Variants in KLF12 observed in about 807,000 individuals in gnomAD.
KLF12 encodes the protein KLF transcription factor 12.
A neutral mutation model predicts 37.8 loss-of-function variants in KLF12; 9 were observed. The ratio of observed to expected loss-of-function variants is 0.24; its 90% CI spans 0.14 to 0.42. The LOEUF (loss-of-function observed/expected upper bound fraction) is 0.42, where lower values mean the gene tolerates loss of function less well. Ranked by LOEUF, KLF12 falls within the 10% of genes least tolerant of loss-of-function variation. KLF12 has a pLI of 1.00. For synonymous variants in KLF12, 208 were observed against 202.1 expected (o/e 1.03, Z -0.25); for missense variants, 411 against 516.0 (o/e 0.80, Z 1.97).
chr13:74,260,872 C>A, the KLF12 span, among the ~76,000 whole-genome samples: 987 of 152,026 alleles, frequency 6.5e-3, 8 homozygotes, highest in Non-Finnish European at 0.011. Flanking sequence ...ACAAGATTTG[C>A]AGTCATTAAT....
At chr13:74,223,813 C>T in the KLF12 span, among the ~76,000 whole-genome samples, 1 of 152,160 alleles carries the variant, frequency 6.6e-6, no homozygotes, top group East Asian at 1.9e-4. Flanking sequence ...GTGTGACTAT[C>T]TGGGTGGCTT....
intron 5 of KLF12, among the ~76,000 whole-genome samples, chr13:73,787,338 G>A (rs1469898232): frequency 6.6e-6 from 1 of 152,140 alleles, no homozygotes; most frequent in Admixed American, 6.5e-5. Flanking sequence ...CTTGTCCCAG[G>A]TCATGTAGTT....
rs143223620 is a variant in KLF12, at chr13:73,812,977, C to T, written c.806+175G>A. On this transcript the variant is annotated intron_variant, in intron 5 of 7. Transcript: ENST00000377669. ...AGCATGAATTTCCAACTCATTAAAA[C>T]ACTCCATTCTCTGCCCTAATCTCCC... The T allele has an allele frequency of 3.7e-5, 23 of 614,552 alleles. No homozygotes were observed. In the African/African-American group the frequency reaches 4.2e-4, roughly 11 times the overall value. The allele number at this position is 614,552 out of a possible 1,614,324, so 38.1% of individuals were successfully genotyped here.
At chr13:74,098,694 C>T (rs191719399) in intron 1 of KLF12, among the ~76,000 whole-genome samples, 7 of 152,240 alleles carry the variant, frequency 4.6e-5, no homozygotes, top group East Asian at 1.9e-4. Context: ...TTAGCCAATA[C>T]GACAAGAAAG....
rs35471651 is a variant in KLF12 at position 73,852,871 on chromosome 13, GT to G, written c.124-6499del. Among the ~76,000 whole-genome samples the G allele has an allele frequency of 2.7e-3, 364 of 137,190 alleles. 1 individual carries two copies. The highest frequency in any genetic ancestry group is 6.9e-3 in the African/African-American group (256 of 36,934). 90.0% of individuals were successfully genotyped at this position (137,190 alleles called of 152,430 possible). A position where few individuals can be genotyped will look rare whatever the true frequency, so the allele number is the denominator to read the frequency against. On this transcript the variant is annotated intron_variant, in intron 3 of 7. Coordinates refer to ENST00000377669, the MANE Select transcript of KLF12 (RefSeq NM_007249.5). ...GTACTCTCTGTGCTTTTACATTTAT[GT>G]TTTTTTTTTTTTTTTGAGACGGAGT...
At chr13:74,116,462 T>C (rs1877309246) in intron 1 of KLF12, among the ~76,000 whole-genome samples, 1 of 152,252 alleles carries the variant, frequency 6.6e-6, no homozygotes, top group African/African-American at 2.4e-5. Flanking sequence ...GAATTTATCC[T>C]TACAGGAAAT....
intron 2 of KLF12, among the ~76,000 whole-genome samples, chr13:73,963,760 A>C (rs1485232981): frequency 6.6e-6 from 1 of 152,236 alleles, no homozygotes; most frequent in South Asian, 2.1e-4. Context: ...TAAGTTGTCA[A>C]GGAGAAGCAG....
chr13:74,003,704 A>T (rs1025012372), intron 1 of KLF12, among the ~76,000 whole-genome samples: 1 of 152,218 alleles, frequency 6.6e-6, no homozygotes, highest in African/African-American at 2.4e-5. Context: ...TATTATTCAA[A>T]TATGAATCAA....
At chr13:73,967,442 A>G in intron 2 of KLF12, among the ~76,000 whole-genome samples, 1 of 152,220 alleles carries the variant, frequency 6.6e-6, no homozygotes, top group Middle Eastern at 3.2e-3. Flanking sequence ...AGACAAAGTC[A>G]AGATTTTAAA....
the KLF12 span, among the ~76,000 whole-genome samples, chr13:74,171,452 A>G: frequency 6.6e-6 from 1 of 152,104 alleles, no homozygotes; most frequent in Non-Finnish European, 1.5e-5. Flanking sequence ...TGCTAAACAC[A>G]TTCCCTCCCA....
chr13:73,865,715 ATGTACT>A (rs1482662515), intron 3 of KLF12, among the ~76,000 whole-genome samples: 3 of 152,220 alleles, frequency 2.0e-5, no homozygotes, highest in Non-Finnish European at 4.4e-5. Flanking sequence ...GTTATCCAAC[ATGTACT>A]TTAAAATAAC....
chr13:73,812,872 A>T, intron 5 of KLF12: 18 of 244,220 alleles, frequency 7.4e-5, no homozygotes, highest in East Asian at 3.7e-4. Flanking sequence ...AAAAATAACA[A>T]TTTTTTTTTT....
At chr13:73,900,719 T>C (rs1450455103) in intron 3 of KLF12, among the ~76,000 whole-genome samples, 1 of 152,188 alleles carries the variant, frequency 6.6e-6, no homozygotes, top group Non-Finnish European at 1.5e-5. Context: ...GTGAATTCAT[T>C]CTGCTGCCAA....
chr13:73,849,558 A>G (rs1885215805), intron 3 of KLF12, among the ~76,000 whole-genome samples: 1 of 152,088 alleles, frequency 6.6e-6, no homozygotes, highest in African/African-American at 2.4e-5. Context: ...TGAAAGGATT[A>G]CAAGTATTAG....
intron 3 of KLF12, among the ~76,000 whole-genome samples, chr13:73,926,644 T>A (rs1593737710): frequency 7.0e-6 from 1 of 142,380 alleles, no homozygotes; most frequent in Non-Finnish European, 1.6e-5. Context: ...TTTTTTTTTT[T>A]AACATAAATA....
At chr13:73,701,378 C>T (rs1412731682) in intron 7 of KLF12, among the ~76,000 whole-genome samples, 4 of 152,180 alleles carry the variant, frequency 2.6e-5, no homozygotes, top group African/African-American at 9.7e-5. Context: ...TTATTCAAAA[C>T]TATTTTCTCT....
At chr13:74,125,853 T>A (rs1326569072) in intron 1 of KLF12, among the ~76,000 whole-genome samples, 1 of 152,240 alleles carries the variant, frequency 6.6e-6, no homozygotes, top group Admixed American at 6.5e-5. Flanking sequence ...ACTTTTGCTT[T>A]ATTCTACAGT....
chr13:73,711,442 A>G (rs1237054273), intron 7 of KLF12, among the ~76,000 whole-genome samples: 2 of 152,216 alleles, frequency 1.3e-5, no homozygotes, highest in Non-Finnish European at 2.9e-5. Context: ...GGAGACAGTA[A>G]CCTTCAGCTG....
intron 1 of KLF12, among the ~76,000 whole-genome samples, chr13:74,088,390 G>C (rs1016201224): frequency 1.1e-4 from 16 of 151,922 alleles, no homozygotes; most frequent in Admixed American, 7.2e-4. Flanking sequence ...ACTATGCCTG[G>C]CTAGTTTTTA....
Sources: gnomAD v4.1 joint callset for allele counts (sites outside exome capture counted in the v4.1 genomes callset) on GRCh38, gnomAD v4.1.1 for gene constraint, MANE v1.5 for transcripts, NCBI Gene and HGNC (gene_info 2026-07-23, HGNC 2026-07-21) for gene names.